TMEM17: variants seen among roughly 807,000 people sequenced by gnomAD.
The protein encoded by TMEM17 is transmembrane protein 17.
A neutral mutation model predicts 19.1 loss-of-function variants in TMEM17; 15 were observed. The ratio of observed to expected loss-of-function variants is 0.78; its 90% CI spans 0.52 to 1.21. TMEM17 has a LOEUF of 1.21. Among genes scored for constraint, TMEM17 ranks in the 50% most tolerant of loss-of-function variants. TMEM17 has a pLI of 0.00. For missense variants in TMEM17, 245 were observed against 242.3 expected (o/e 1.01, Z -0.07); for synonymous variants, 103 against 86.9 (o/e 1.19, Z -1.03).
At chr2:62,480,674 C>T in the TMEM17 span, among the ~76,000 whole-genome samples, 1 of 142,866 alleles carries the variant, frequency 7.0e-6, no homozygotes, top group African/African-American at 2.6e-5. Context: ...GTCCTTTCCC[C>T]AGTAAGTGTT....
chr2:62,497,590 T>C (rs977084702), downstream of TMEM17, among the ~76,000 whole-genome samples: 2 of 152,238 alleles, frequency 1.3e-5, no homozygotes, highest in African/African-American at 4.8e-5. Context: ...TCGTCATTCA[T>C]TTAGATGTCT....
At chr2:62,505,405 C>T (rs1029209569) in intron 1 of TMEM17, among the ~76,000 whole-genome samples, 4 of 152,036 alleles carry the variant, frequency 2.6e-5, no homozygotes, top group Admixed American at 6.5e-5. Context: ...TTTTGTTGAA[C>T]GCCCGGCTAG....
chr2:62,505,769 C>T (rs1032330206), intron 1 of TMEM17, among the ~76,000 whole-genome samples: 1 of 152,144 alleles, frequency 6.6e-6, no homozygotes, highest in East Asian at 1.9e-4. Context: ...GCACAGAGAT[C>T]GGCCCCACGT....
the TMEM17 span, among the ~76,000 whole-genome samples, chr2:62,495,015 AAAAAAAT>A: frequency 6.6e-6 from 1 of 152,210 alleles, no homozygotes; most frequent in Admixed American, 6.5e-5. Flanking sequence ...ACTCCGTCTC[AAAAAAAT>A]AAAAAATAAA....
At chr2:62,492,474 A>C in the TMEM17 span, among the ~76,000 whole-genome samples, 17 of 152,370 alleles carry the variant, frequency 1.1e-4, no homozygotes, top group African/African-American at 4.1e-4. Context: ...ATCTTAACGT[A>C]AAAGTGGTTA....
chr2:62,501,326 A>G lies in TMEM17; in HGVS notation c.480T>C (p.Leu160=), dbSNP rs138035936. Reference sequence around the variant, plus strand: ...ACTGATTAACCATTTTCCTTAAGGTAAGAAATGCTGCAACAACTTGGAAAG... The same window carrying G: ...ACTGATTAACCATTTTCCTTAAGGTGAGAAATGCTGCAACAACTTGGAAAG... ...FLAFQVVAAF[L]TLRKMVNQLA... The change falls in exon 4 of 4, where the codon CTT becomes CTC. Residue 160 remains leucine, a synonymous_variant. Coordinates refer to ENST00000335390, the MANE Select transcript of TMEM17 (RefSeq NM_198276.3). 2 of 1,614,234 alleles carry G rather than the reference A, an allele frequency of 1.2e-6. No individual in the cohort carries two copies. Among genetic ancestry groups the G allele is most frequent in the Non-Finnish European group, 1.7e-6 (2 of 1,180,036 alleles).
the TMEM17 span, among the ~76,000 whole-genome samples, chr2:62,468,178 C>G: frequency 0.42 from 63,147 of 151,866 alleles, 14,166 homozygotes; most frequent in East Asian, 0.62. Flanking sequence ...TGTCCTGGTG[C>G]TCTTCCACGT....
chr2:62,453,581 G>C, the TMEM17 span, among the ~76,000 whole-genome samples: 3 of 152,114 alleles, frequency 2.0e-5, no homozygotes, highest in African/African-American at 7.2e-5. Context: ...GCTGCTATTA[G>C]AGCCTGACAG....
chr2:62,461,105 C>T, the TMEM17 span, among the ~76,000 whole-genome samples: 3 of 152,178 alleles, frequency 2.0e-5, no homozygotes, highest in Non-Finnish European at 4.4e-5. Context: ...GGAACTGAGT[C>T]CTGGGCTCTC....
the TMEM17 span, among the ~76,000 whole-genome samples, chr2:62,466,762 G>T: frequency 6.6e-6 from 1 of 152,192 alleles, no homozygotes; most frequent in South Asian, 2.1e-4. Flanking sequence ...TCTGAGAGGG[G>T]GAGCTACAGC....
At chr2:62,474,941 A>G in the TMEM17 span, among the ~76,000 whole-genome samples, 2 of 152,230 alleles carry the variant, frequency 1.3e-5, no homozygotes, top group South Asian at 4.1e-4. Context: ...AGCAACAGCA[A>G]TCTACCCTTG....
At chr2:62,468,150 C>T in the TMEM17 span, among the ~76,000 whole-genome samples, 1 of 152,114 alleles carries the variant, frequency 6.6e-6, no homozygotes, top group Admixed American at 6.5e-5. Context: ...TTCCACTTCA[C>T]CCCTGCTGGG....
At chr2:62,483,885 G>A in the TMEM17 span, among the ~76,000 whole-genome samples, 1 of 152,094 alleles carries the variant, frequency 6.6e-6, no homozygotes, top group Non-Finnish European at 1.5e-5. Context: ...ACAGGTGTGA[G>A]CCACCACACC....
intron 1 of TMEM17, among the ~76,000 whole-genome samples, chr2:62,503,159 A>G (rs1004417724): frequency 2.0e-5 from 3 of 152,232 alleles, no homozygotes; most frequent in African/African-American, 7.2e-5. Flanking sequence ...TATAAAATTA[A>G]TGCATAAAAT....
the TMEM17 span, among the ~76,000 whole-genome samples, chr2:62,473,181 T>C: frequency 3.7e-3 from 563 of 152,342 alleles, 1 homozygote; most frequent in Non-Finnish European, 6.8e-3. Flanking sequence ...TTCTAATTGC[T>C]TTAACAGAAG....
At chr2:62,467,519 T>C in the TMEM17 span, among the ~76,000 whole-genome samples, 27 of 152,340 alleles carry the variant, frequency 1.8e-4, no homozygotes, top group Non-Finnish European at 1.0e-4. Flanking sequence ...CAAGGCCTCA[T>C]AGAGATAGAG....
At chr2:62,494,578 A>G in the TMEM17 span, among the ~76,000 whole-genome samples, 1 of 152,244 alleles carries the variant, frequency 6.6e-6, no homozygotes, top group African/African-American at 2.4e-5. Flanking sequence ...TAGAATATAA[A>G]TAACTCAAGA....
At chr2:62,470,263 G>C in the TMEM17 span, among the ~76,000 whole-genome samples, 192 of 152,212 alleles carry the variant, frequency 1.3e-3, no homozygotes, top group African/African-American at 4.4e-3. Flanking sequence ...AGGTCCTAAA[G>C]TTCCTCTTCC....
downstream of TMEM17, among the ~76,000 whole-genome samples, chr2:62,496,429 TTAAA>T (rs928610865): frequency 2.9e-4 from 44 of 152,294 alleles, no homozygotes; most frequent in African/African-American, 9.9e-4. Flanking sequence ...AGGAGAGAAG[TTAAA>T]TAAATTATGG....
Sources: gnomAD v4.1 joint callset for allele counts (sites outside exome capture counted in the v4.1 genomes callset) on GRCh38, gnomAD v4.1.1 for gene constraint, MANE v1.5 for transcripts, NCBI Gene and HGNC (gene_info 2026-07-23, HGNC 2026-07-21) for gene names.